Variants in KIAA1217 observed in about 807,000 individuals in gnomAD.
KIAA1217 encodes the protein sickle tail protein homolog.
In KIAA1217, 88 loss-of-function variants were observed where a neutral mutation model predicts 163.9. The observed-to-expected ratio is 0.54, with a 90% CI of 0.45 to 0.64. The LOEUF (loss-of-function observed/expected upper bound fraction) is 0.64, where lower values mean the gene tolerates loss of function less well. Ranked by LOEUF, KIAA1217 falls within the 30% of genes least tolerant of loss-of-function variation. The pLI, the probability that KIAA1217 is intolerant of heterozygous loss-of-function variation, is 0.00. For synonymous variants in KIAA1217, 903 were observed against 923.1 expected (o/e 0.98, Z 0.39); for missense variants, 2,372 against 2,475.0 (o/e 0.96, Z 0.88).
intron 2 of KIAA1217, among the ~76,000 whole-genome samples, chr10:24,259,775 G>A (rs1452390984): frequency 6.6e-6 from 1 of 152,202 alleles, no homozygotes; most frequent in African/African-American, 2.4e-5. Flanking sequence ...CCTGTGTCCT[G>A]TGGGATCACT....
chr10:24,436,464 C>CAAAAAA (rs34617087), intron 4 of KIAA1217, among the ~76,000 whole-genome samples: 34 of 138,618 alleles, frequency 2.5e-4, no homozygotes, highest in East Asian at 4.2e-4. Flanking sequence ...TTATATAAGA[C>CAAAAAA]AAAAAAAAAA....
chr10:24,179,344 T>TC, intron 2 of KIAA1217, among the ~76,000 whole-genome samples: 1 of 152,116 alleles, frequency 6.6e-6, no homozygotes, highest in Non-Finnish European at 1.5e-5. Context: ...TTTAGCACCA[T>TC]CCCCCCAGTC....
intron 2 of KIAA1217, among the ~76,000 whole-genome samples, chr10:24,128,608 T>C (rs1400191252): frequency 6.6e-6 from 1 of 152,182 alleles, no homozygotes; most frequent in Non-Finnish European, 1.5e-5. Context: ...TGAAAGGGGC[T>C]TCCGGGCCTC....
chr10:24,170,586 G>C (rs1334395610), intron 2 of KIAA1217, among the ~76,000 whole-genome samples: 1 of 152,190 alleles, frequency 6.6e-6, no homozygotes, highest in African/African-American at 2.4e-5. Flanking sequence ...CAGTGATATA[G>C]AGAGGACAAA....
intron 8 of KIAA1217, among the ~76,000 whole-genome samples, chr10:24,497,764 G>A (rs1278491565): frequency 2.1e-5 from 3 of 146,070 alleles, no homozygotes; most frequent in African/African-American, 7.5e-5. Context: ...TGATAATTGA[G>A]TAGATAGTGG....
Position 23,888,775 on chromosome 10 carries a change from T to C in KIAA1217, c.-320-118450T>C, listed in dbSNP as rs182992358. 3.5e-3 allele frequency among the ~76,000 whole-genome samples: 529 copies of C among 151,990 alleles called. 7 individuals carry two copies. Among genetic ancestry groups the C allele is most frequent in the African/African-American group, 0.011 (456 of 41,528 alleles). ...AAATGTACCCATTTAAAATGTAAAA[T>C]TCCAACACCCAAATCAAGACATAGA... On this transcript the variant is annotated intron_variant, in intron 1 of 18. Transcript: ENST00000376462.
At chr10:24,184,437 T>C (rs556880834) in intron 2 of KIAA1217, among the ~76,000 whole-genome samples, 5 of 152,284 alleles carry the variant, frequency 3.3e-5, no homozygotes, top group African/African-American at 1.2e-4. Flanking sequence ...ACCCAGCAAA[T>C]CCTTTTCATA....
intron 1 of KIAA1217, among the ~76,000 whole-genome samples, chr10:23,741,876 A>G (rs1367741240): frequency 6.6e-6 from 1 of 152,214 alleles, no homozygotes; most frequent in African/African-American, 2.4e-5. Context: ...TGGTGTAAGA[A>G]TGAAACAAGT....
intron 1 of KIAA1217, among the ~76,000 whole-genome samples, chr10:23,863,614 C>T (rs561790174): frequency 6.6e-6 from 1 of 152,238 alleles, no homozygotes; most frequent in African/African-American, 2.4e-5. Context: ...TACTTGCCAG[C>T]CTCCAGAACT....
intron 2 of KIAA1217, among the ~76,000 whole-genome samples, chr10:24,057,451 G>T (rs1296273461): frequency 6.6e-6 from 1 of 152,086 alleles, no homozygotes; most frequent in Admixed American, 6.6e-5. Context: ...TCAATCCCAA[G>T]CAACCAGAAT....
intron 19 of KIAA1217, 121 bp from the exon 20 acceptor site, chr10:24,544,860 T>C: frequency 9.4e-7 from 1 of 1,061,930 alleles, no homozygotes; most frequent in Non-Finnish European, 1.4e-6. Flanking sequence ...CCTAGATCTG[T>C]CCTGCATGTA....
chr10:24,276,776 A>C (rs1309580293), intron 2 of KIAA1217, among the ~76,000 whole-genome samples: 2 of 151,964 alleles, frequency 1.3e-5, no homozygotes, highest in East Asian at 3.9e-4. Context: ...CGCCCAGCTA[A>C]TTTTTGTATT....
At chr10:23,857,165 G>T (rs932106479) in intron 1 of KIAA1217, among the ~76,000 whole-genome samples, 1 of 152,108 alleles carries the variant, frequency 6.6e-6, no homozygotes, top group African/African-American at 2.4e-5. Context: ...GCTCTCTCAG[G>T]GATTACAATT....
chr10:24,257,484 T>G (rs1477231224), intron 2 of KIAA1217, among the ~76,000 whole-genome samples: 1 of 152,188 alleles, frequency 6.6e-6, no homozygotes, highest in Non-Finnish European at 1.5e-5. Flanking sequence ...TGGATCAAAA[T>G]GAGTCCTTGA....
intron 2 of KIAA1217, among the ~76,000 whole-genome samples, chr10:24,057,628 A>G (rs950284762): frequency 6.6e-6 from 1 of 152,216 alleles, no homozygotes; most frequent in Non-Finnish European, 1.5e-5. Context: ...TTTGATTGGA[A>G]TGTCCCTGAT....
At chr10:24,069,579 A>G (rs1317834998) in intron 2 of KIAA1217, among the ~76,000 whole-genome samples, 2 of 152,124 alleles carry the variant, frequency 1.3e-5, no homozygotes, top group African/African-American at 2.4e-5. Context: ...TCTCAATCAG[A>G]TAGTGCTGTG....
At chr10:24,532,715 C>A (rs1454066451) in intron 15 of KIAA1217, among the ~76,000 whole-genome samples, 1 of 152,132 alleles carries the variant, frequency 6.6e-6, no homozygotes, top group East Asian at 1.9e-4. Context: ...ACGGGAAAGA[C>A]CTGCCCCCAT....
chr10:23,828,615 T>C (rs1163813012), intron 1 of KIAA1217, among the ~76,000 whole-genome samples: 1 of 152,198 alleles, frequency 6.6e-6, no homozygotes, highest in East Asian at 1.9e-4. Context: ...ACAATAGTTA[T>C]GTATGGGTTG....
chr10:24,396,528 G>A (rs375313467), intron 3 of KIAA1217, among the ~76,000 whole-genome samples: 64 of 152,248 alleles, frequency 4.2e-4, no homozygotes, highest in African/African-American at 1.5e-3. Context: ...TACAGAGAGC[G>A]CTGAAGACAT....
Sources: allele counts gnomAD v4.1 joint callset (sites outside exome capture counted in the v4.1 genomes callset), GRCh38; gene constraint gnomAD v4.1.1; transcripts MANE v1.5; gene names NCBI Gene and HGNC (gene_info 2026-07-23, HGNC 2026-07-21).